Variants in GPATCH2L observed in about 807,000 individuals in gnomAD.
GPATCH2L encodes G-patch domain containing 2 like, also known as G patch domain-containing protein 2-like.
A neutral mutation model predicts 57.4 loss-of-function variants in GPATCH2L; 31 were observed. That is an observed-to-expected ratio of 0.54 (90% CI 0.41 to 0.73). GPATCH2L has a LOEUF of 0.73. GPATCH2L is among the 30% of genes least tolerant of loss of function. The pLI is 0.00. For missense variants in GPATCH2L, 481 were observed against 599.9 expected (o/e 0.80, Z 2.07); for synonymous variants, 199 against 210.7 (o/e 0.94, Z 0.48).
At chr14:76,185,431 A>T (rs113663955) in intron 8 of GPATCH2L, among the ~76,000 whole-genome samples, 1 of 152,180 alleles carries the variant, frequency 6.6e-6, no homozygotes, top group Non-Finnish European at 1.5e-5. Context: ...ATTGTGAAGG[A>T]TAGTTTTTCT....
rs749074 is a variant in GPATCH2L, at chr14:76,205,608, A to G, written c.*3757A>G. ...TATGACTTCCAAATAGATTGATAAT[A>G]GCCTTGCATGTTGTAGTTAGAGACA... is the stretch of plus-strand genomic sequence containing the variant. On this transcript the variant is annotated 3_prime_UTR_variant, in exon 10 of 10. Transcript: ENST00000261530. 0.39 allele frequency: 59,843 copies of G among 152,126 alleles called. 14,136 individuals carry two copies. The highest frequency in any genetic ancestry group is 0.56 in the South Asian group (2,673 of 4,812). 9.4% of individuals were successfully genotyped at this position (152,126 alleles called of 1,614,324 possible).
intron 2 of GPATCH2L, among the ~76,000 whole-genome samples, chr14:76,158,085 ACTAACACATCAT>A (rs764809684): frequency 8.2e-4 from 124 of 152,046 alleles, no homozygotes; most frequent in Non-Finnish European, 1.5e-3. Flanking sequence ...TCTATTCTTT[ACTAACACATCAT>A]TTGTTTGTTC....
chr14:76,171,853 A>G lies in GPATCH2L; in HGVS notation c.738A>G (p.Glu246=). 6.3e-7 allele frequency: 1 copy of G among 1,578,948 alleles called. No homozygotes were observed. Among genetic ancestry groups the G allele is most frequent in the Non-Finnish European group, 8.6e-7 (1 of 1,163,546 alleles). The change falls in exon 4 of 10, where the codon GAA becomes GAG. Residue 246 remains glutamate (E), a synonymous_variant. Transcript: ENST00000261530. ...TNDEGRQGDD[E]QSDWFYEGEC... ...ATGTCTTTACTTTAGGTGATGACGA[A>G]CAGAGTGATTGGTTCTATGAAGGAG... is the stretch of plus-strand genomic sequence containing the variant.
chr14:76,230,271 T>A (rs1394053935), intron 2 of GPATCH2L: 1 of 152,218 alleles, frequency 6.6e-6, no homozygotes, highest in East Asian at 1.9e-4. Context: ...GGATGTAGCA[T>A]GTGTGTGTTG....
intron 3 of GPATCH2L, among the ~76,000 whole-genome samples, chr14:76,168,410 A>G (rs777016467): frequency 1.3e-5 from 2 of 152,154 alleles, no homozygotes; most frequent in Non-Finnish European, 1.5e-5. Context: ...ACAGCCCCCA[A>G]ATTTTAGTGG....
At chr14:76,188,151 C>G (rs947270656) in intron 8 of GPATCH2L, among the ~76,000 whole-genome samples, 3 of 152,100 alleles carry the variant, frequency 2.0e-5, no homozygotes, top group Admixed American at 1.3e-4. Flanking sequence ...CGAATTTTGG[C>G]TATTGTGAAC....
chr14:76,183,449 A>G (rs1329707425), intron 8 of GPATCH2L, among the ~76,000 whole-genome samples: 3 of 152,166 alleles, frequency 2.0e-5, no homozygotes, highest in Non-Finnish European at 4.4e-5. Flanking sequence ...AAATTTTTAA[A>G]CTTACATTTA....
At chr14:76,158,801 A>G (rs1326867933) in intron 2 of GPATCH2L, among the ~76,000 whole-genome samples, 1 of 152,240 alleles carries the variant, frequency 6.6e-6, no homozygotes, top group Non-Finnish European at 1.5e-5. Context: ...ATGTGGGTAT[A>G]TTCACAGTTC....
At chr14:76,153,227 G>C (rs2038138428) in intron 1 of GPATCH2L, among the ~76,000 whole-genome samples, 1 of 152,372 alleles carries the variant, frequency 6.6e-6, no homozygotes, top group African/African-American at 2.4e-5. Context: ...AATATGGTCA[G>C]AGAGTGGCAC....
At chr14:76,195,055 C>T (rs1184115732) in intron 8 of GPATCH2L, among the ~76,000 whole-genome samples, 1 of 152,050 alleles carries the variant, frequency 6.6e-6, no homozygotes, top group Non-Finnish European at 1.5e-5. Flanking sequence ...GTAGATGAGG[C>T]CCCAAATGTT....
intron 7 of GPATCH2L, 127 bp from the exon 8 acceptor site, chr14:76,180,637 A>G (rs1399878059): frequency 1.4e-6 from 1 of 695,396 alleles, no homozygotes; most frequent in Admixed American, 2.1e-5. Flanking sequence ...TTTACTGAAC[A>G]GTGCCTGTGT....
chr14:76,200,831 C>T (rs115983592), intron 9 of GPATCH2L, among the ~76,000 whole-genome samples: 3,195 of 152,182 alleles, frequency 0.021, 102 homozygotes, highest in African/African-American at 0.073. Flanking sequence ...TATTGGGTGA[C>T]GGTAAAATCC....
rs745865209 is a variant in GPATCH2L at position 76,154,624 on chromosome 14, C to G, written c.261C>G (p.Asp87Glu). The G allele has an allele frequency of 4.3e-6, 7 of 1,614,242 alleles. No homozygotes were observed. The highest frequency in any genetic ancestry group is 5.9e-6 in the Non-Finnish European group (7 of 1,180,056). ...TGGCTCCGGTGACCAATTTTAGTGA[C>G]TCTGATGACACAATGGTAGCCAAAC... ...REVAPVTNFS[D>E]SDDTMVAKRH... The change falls in exon 2 of 10, where the codon GAC (aspartate) becomes GAG (glutamate). Residue 87 changes from aspartate (D) to glutamate (E), a missense_variant. Coordinates refer to ENST00000261530, the MANE Select transcript of GPATCH2L (RefSeq NM_017926.4). This position sits in a 1 kb window ranked among gnomAD's most constrained non-coding sequence, Gnocchi z 4.4.
intron 2 of GPATCH2L, among the ~76,000 whole-genome samples, chr14:76,235,128 G>T (rs920372084): frequency 6.8e-6 from 1 of 146,192 alleles, no homozygotes; most frequent in Middle Eastern, 3.5e-3. Flanking sequence ...AGATCACGCC[G>T]TTGCACTCCA....
intron 8 of GPATCH2L, among the ~76,000 whole-genome samples, chr14:76,187,535 A>G (rs2039814261): frequency 6.6e-6 from 1 of 152,184 alleles, no homozygotes; most frequent in Admixed American, 6.6e-5. Context: ...AAGAAAAAGT[A>G]TAGAAAACAA....
In GPATCH2L at chr14:76,209,299, C is replaced by A. The variant is rs1021226597; in HGVS notation, c.*7448C>A. 19 of 152,282 alleles carry A rather than the reference C, an allele frequency of 1.2e-4. No homozygotes were observed. Among genetic ancestry groups the A allele is most frequent in the African/African-American group, 3.9e-4 (16 of 41,440 alleles). The allele number at this position is 152,282 out of a possible 1,614,324, so 9.4% of individuals were successfully genotyped here. ...CCTGTATGCCAGTGAGTTCCTTTGC[C>A]ATACCACCTTAATGCACCAACTTAA... On this transcript the variant is annotated 3_prime_UTR_variant, in exon 10 of 10. Coordinates refer to ENST00000261530, the MANE Select transcript of GPATCH2L (RefSeq NM_017926.4).
chr14:76,221,142 A>G (rs2040513312), intron 1 of GPATCH2L, among the ~76,000 whole-genome samples: 1 of 152,008 alleles, frequency 6.6e-6, no homozygotes, highest in Non-Finnish European at 1.5e-5. Flanking sequence ...CCAAACTGTA[A>G]AAAGAACTCT....
At chr14:76,226,118 A>T (rs568739529) in intron 1 of GPATCH2L, among the ~76,000 whole-genome samples, 1 of 152,352 alleles carries the variant, frequency 6.6e-6, no homozygotes, top group South Asian at 2.1e-4. Context: ...TACAAACCCC[A>T]TAGAAACATA....
chr14:76,177,759 G>C, intron 6 of GPATCH2L: 3 of 528,430 alleles, frequency 5.7e-6, no homozygotes, highest in Middle Eastern at 5.1e-4. Flanking sequence ...CTCCTCCTCT[G>C]ATTACATCTT....
Sources: allele counts gnomAD v4.1 joint callset (sites outside exome capture counted in the v4.1 genomes callset), GRCh38; gene constraint gnomAD v4.1.1; non-coding constraint Gnocchi (gnomAD v3.1); transcripts MANE v1.5; gene names NCBI Gene and HGNC (gene_info 2026-07-23, HGNC 2026-07-21).